Variants in PARPBP observed in about 807,000 individuals in gnomAD.
PARPBP encodes PARP1 binding protein.
PARPBP carries 52 observed loss-of-function variants against 50.0 expected under a neutral mutation model. The ratio of observed to expected loss-of-function variants is 1.04; its 90% CI spans 0.83 to 1.31. The LOEUF is 1.31. PARPBP is among the 50% of genes most tolerant of loss of function. The pLI, the probability that PARPBP is intolerant of heterozygous loss-of-function variation, is 0.00. For missense variants in PARPBP, 697 were observed against 672.0 expected (o/e 1.04, Z -0.41); for synonymous variants, 244 against 232.1 (o/e 1.05, Z -0.47).
intron 4 of PARPBP, chr12:102,154,961 T>G: frequency 2.8e-6 from 1 of 359,590 alleles, no homozygotes; most frequent in East Asian, 7.9e-5. Context: ...CACAATCCCA[T>G]ATCTTAAACC....
At position 102,196,569 on chromosome 12, in the gene PARPBP, A is replaced by G. The variant is rs1594651300; in HGVS notation, c.*278A>G. On this transcript the variant is annotated 3_prime_UTR_variant, in exon 11 of 11. Transcript: ENST00000327680. ...AACAGACATTTAACATACACAAGTT[A>G]TAGTAGCAGTATGGGCTTCTCCTCC... 7 of 956,352 alleles carry G rather than the reference A, an allele frequency of 7.3e-6. No homozygotes were observed. The highest frequency in any genetic ancestry group is 2.4e-5 in the East Asian group (1 of 41,900). The allele number at this position is 956,352 out of a possible 1,614,324, so 59.2% of individuals were successfully genotyped here. A position where few individuals can be genotyped will look rare whatever the true frequency, so the allele number is the denominator to read the frequency against.
chr12:102,141,605 T>G (rs1884612755), intron 2 of PARPBP, among the ~76,000 whole-genome samples: 1 of 152,148 alleles, frequency 6.6e-6, no homozygotes, highest in Admixed American at 6.5e-5. Context: ...ATTTGGCATG[T>G]TTTTGCAGTG....
chr12:102,157,404 G>A (rs889928051), intron 4 of PARPBP, among the ~76,000 whole-genome samples: 1 of 150,832 alleles, frequency 6.6e-6, no homozygotes, highest in African/African-American at 2.4e-5. Flanking sequence ...CCCCAAAATG[G>A]TTTTATATCT....
At chr12:102,192,788 CCTAGTAATCT>C (rs1318968441) in intron 9 of PARPBP, among the ~76,000 whole-genome samples, 2 of 151,786 alleles carry the variant, frequency 1.3e-5, no homozygotes. Flanking sequence ...TAGAAGCCAT[CCTAGTAATCT>C]CTAGTATACG....
At chr12:102,144,278 A>G (rs571392356) in intron 2 of PARPBP, among the ~76,000 whole-genome samples, 30 of 152,246 alleles carry the variant, frequency 2.0e-4, no homozygotes, top group Non-Finnish European at 3.7e-4. Flanking sequence ...TGCTCTGGAA[A>G]ATATGTAACT....
At chr12:102,149,649 A>G (rs967518422) in intron 3 of PARPBP, among the ~76,000 whole-genome samples, 7 of 152,206 alleles carry the variant, frequency 4.6e-5, no homozygotes, top group Admixed American at 3.9e-4. Flanking sequence ...ATTCTGGGTA[A>G]TATCTTGCCA....
intron 4 of PARPBP, among the ~76,000 whole-genome samples, chr12:102,162,890 T>C (rs1887745253): frequency 6.6e-6 from 1 of 152,228 alleles, no homozygotes; most frequent in African/African-American, 2.4e-5. Context: ...CCTTTTCTCA[T>C]TGTGCTTCTG....
chr12:102,159,752 A>G (rs960981539), intron 4 of PARPBP, among the ~76,000 whole-genome samples: 4 of 152,106 alleles, frequency 2.6e-5, no homozygotes, highest in African/African-American at 7.2e-5. Flanking sequence ...TTGTCAGTAT[A>G]TATAAGCATT....
intron 5 of PARPBP, chr12:102,164,813 A>T (rs911280465): frequency 1.7e-6 from 1 of 592,554 alleles, no homozygotes; most frequent in South Asian, 2.0e-5. Flanking sequence ...GTTTCCTTAC[A>T]TATGTTCTGT....
At position 102,197,399 on chromosome 12, in the gene PARPBP, A is replaced by G; in HGVS notation, c.*1108A>G. ...GTAAGAAATATCGTCAGTCGTCCTA[A>G]TGCATATTGTGACTGTTTGCATATA... On this transcript the variant is annotated 3_prime_UTR_variant, in exon 11 of 11. Transcript: ENST00000327680. The G allele has an allele frequency of 1.1e-6, 1 of 921,326 alleles. No individual in the cohort carries two copies. Among genetic ancestry groups the G allele is most frequent in the Non-Finnish European group, 1.6e-6 (1 of 608,658 alleles). The allele number at this position is 921,326 out of a possible 1,614,324, so 57.1% of individuals were successfully genotyped here.
intron 8 of PARPBP, among the ~76,000 whole-genome samples, chr12:102,181,444 T>C (rs764002155): frequency 2.6e-5 from 4 of 152,192 alleles, no homozygotes. Flanking sequence ...TGGTATAGCC[T>C]ATTACACACC....
At chr12:102,124,245 C>G (rs1358796995) in intron 2 of PARPBP, among the ~76,000 whole-genome samples, 3 of 152,096 alleles carry the variant, frequency 2.0e-5, no homozygotes, top group African/African-American at 4.8e-5. Flanking sequence ...AAATTAAGCT[C>G]TTATGTATGG....
chr12:102,195,991 G>A lies in PARPBP; in HGVS notation c.1440G>A (p.Thr480=), dbSNP rs149228765. The change falls in exon 11 of 11, where the codon ACG becomes ACA. Residue 480 remains threonine, a synonymous_variant. Coordinates refer to ENST00000327680, the MANE Select transcript of PARPBP (RefSeq NM_017915.5). ...NPSVGRSTIG[T]SFGNVHLDRS... Reference sequence around the variant, plus strand: ...CTGTTGGAAGATCAACAATTGGAACGAGTTTTGGAAATGTTCATCTGGACA... The same window carrying A: ...CTGTTGGAAGATCAACAATTGGAACAAGTTTTGGAAATGTTCATCTGGACA... 162 of 1,606,528 alleles carry A rather than the reference G, an allele frequency of 1.0e-4. 2 individuals are homozygous for A. In the Middle Eastern group the frequency reaches 4.0e-3, roughly 40 times the overall value.
intron 2 of PARPBP, among the ~76,000 whole-genome samples, chr12:102,133,894 A>G (rs920477006): frequency 6.6e-6 from 1 of 152,164 alleles, no homozygotes; most frequent in African/African-American, 2.4e-5. Context: ...AAGAAATTAA[A>G]AGGAAATTTA....
At chr12:102,133,318 T>C (rs1348017105) in intron 2 of PARPBP, among the ~76,000 whole-genome samples, 3 of 152,188 alleles carry the variant, frequency 2.0e-5, no homozygotes, top group African/African-American at 7.2e-5. Flanking sequence ...TGAAGTATTT[T>C]TTTATATCTA....
intron 2 of PARPBP, among the ~76,000 whole-genome samples, chr12:102,141,387 G>A (rs1884575270): frequency 6.6e-6 from 1 of 151,906 alleles, no homozygotes; most frequent in Non-Finnish European, 1.5e-5. Flanking sequence ...GTCTCTGCAT[G>A]TGAGATGGGT....
chr12:102,136,502 A>G (rs1883653022), intron 2 of PARPBP, among the ~76,000 whole-genome samples: 1 of 152,260 alleles, frequency 6.6e-6, no homozygotes, highest in Non-Finnish European at 1.5e-5. Context: ...ATTTTCACAT[A>G]CTGAAATATT....
Position 102,176,106 on chromosome 12 carries a change from C to G in PARPBP, c.1005+440C>G, listed in dbSNP as rs192587650. Among the ~76,000 whole-genome samples, 58 of 152,118 alleles carry G rather than the reference C, an allele frequency of 3.8e-4. 1 individual carries two copies. Among genetic ancestry groups the G allele is most frequent in the Admixed American group, 3.3e-3 (51 of 15,270 alleles). ...CAAGCAATTCTCCTGCCTCAGCCTC[C>G]CGAGTAGCTGGAATTACAGGCACCT... On this transcript the variant is annotated intron_variant, in intron 7 of 10. Coordinates refer to ENST00000327680, the MANE Select transcript of PARPBP (RefSeq NM_017915.5).
chr12:102,167,927 A>G lies in PARPBP; in HGVS notation c.821+2044A>G, dbSNP rs112758077. ...CTGTCAACTAGCTTTTCTGTTTTCA[A>G]CCCTGCCTTTACATAGCCATCAGTA... On this transcript the variant is annotated intron_variant, in intron 6 of 10. Coordinates refer to ENST00000327680, the MANE Select transcript of PARPBP (RefSeq NM_017915.5). Among the ~76,000 whole-genome samples the G allele has an allele frequency of 4.7e-3, 713 of 152,154 alleles. 4 individuals carry two copies. Among genetic ancestry groups the G allele is most frequent in the African/African-American group, 0.016 (649 of 41,508 alleles).
Sources: allele counts gnomAD v4.1 joint callset (sites outside exome capture counted in the v4.1 genomes callset), GRCh38; gene constraint gnomAD v4.1.1; transcripts MANE v1.5; gene names NCBI Gene and HGNC (gene_info 2026-07-23, HGNC 2026-07-21).